Variants in KCNMA1 observed in about 807,000 individuals in gnomAD.
KCNMA1 encodes the protein potassium calcium-activated channel subfamily M alpha 1.
KCNMA1 carries 29 observed loss-of-function variants against 140.0 expected under a neutral mutation model. The observed-to-expected ratio is 0.21, with a 90% confidence interval of 0.15 to 0.28. The LOEUF (loss-of-function observed/expected upper bound fraction) is 0.28, where lower values mean the gene tolerates loss of function less well. Ranked by LOEUF, KCNMA1 falls within the 10% of genes least tolerant of loss-of-function variation. The probability of loss-of-function intolerance (pLI) is 1.00; values close to 1 mark genes in which losing one functional copy is unlikely to be tolerated. For missense variants in KCNMA1, 880 were observed against 1,602.2 expected (o/e 0.55, Z 7.70); for synonymous variants, 612 against 611.9 (o/e 1.00, Z 0.00).
At position 77,403,946 on chromosome 10, in the gene KCNMA1, C is replaced by T; in HGVS notation, c.456G>A (p.Val152=). ...LKPVDEKEEA[V]AAEVGWMTSV... ...AGGTCATCCAGCCGACCTCGGCGGC[C>T]ACTGCCTCCTCTTTTTCATCCACTG... The change falls in exon 2 of 28, where the codon GTG becomes GTA. Residue 152 remains valine, a synonymous_variant. Coordinates refer to ENST00000286628, the MANE Select transcript of KCNMA1 (RefSeq NM_001161352.2). 3 of 1,614,204 alleles carry T rather than the reference C, an allele frequency of 1.9e-6. No individual in the cohort carries two copies. The highest frequency in any genetic ancestry group is 2.5e-6 in the Non-Finnish European group (3 of 1,180,054).
chr10:77,381,895 C>G (rs1442590650), intron 2 of KCNMA1, among the ~76,000 whole-genome samples: 1 of 152,216 alleles, frequency 6.6e-6, no homozygotes, highest in Non-Finnish European at 1.5e-5. Flanking sequence ...TCCAATGCCA[C>G]TTATCCTAGC....
Position 76,944,974 on chromosome 10 carries a change from T to C in KCNMA1, c.2710-9A>G. ...CGACTTAATGGCGTACCCTTTGGCATAGAGGAAAGAAAAAAAAACAGAGAT... is the reference window on the plus strand; with the variant it reads ...CGACTTAATGGCGTACCCTTTGGCACAGAGGAAAGAAAAAAAAACAGAGAT... On this transcript the variant is annotated splice_polypyrimidine_tract_variant and intron_variant, in intron 22 of 27. Coordinates refer to ENST00000286628, the MANE Select transcript of KCNMA1 (RefSeq NM_001161352.2). 6.2e-7 allele frequency: 1 copy of C among 1,609,536 alleles called. No individual in the cohort carries two copies. The highest frequency in any genetic ancestry group is 8.5e-7 in the Non-Finnish European group (1 of 1,178,768).
intron 2 of KCNMA1, among the ~76,000 whole-genome samples, chr10:77,353,540 C>A (rs1178708839): frequency 6.6e-6 from 1 of 151,872 alleles, no homozygotes; most frequent in Admixed American, 6.6e-5. Context: ...CTATCCACAT[C>A]ATTCGTGCTT....
intron 2 of KCNMA1, among the ~76,000 whole-genome samples, chr10:77,361,582 GA>G (rs2096417297): frequency 6.6e-6 from 1 of 152,252 alleles, no homozygotes; most frequent in Non-Finnish European, 1.5e-5. Flanking sequence ...AGAGGTGCAC[GA>G]AAGGAGTTTC....
At chr10:77,110,004 A>C (rs2097284764) in intron 8 of KCNMA1, among the ~76,000 whole-genome samples, 169 bp downstream of exon 8, 1 of 152,210 alleles carries the variant, frequency 6.6e-6, no homozygotes, top group Admixed American at 6.5e-5. Context: ...ATACACCAAG[A>C]ATTATGCAGA....
intron 7 of KCNMA1, among the ~76,000 whole-genome samples, chr10:77,111,088 G>A (rs1252250010): frequency 1.3e-5 from 2 of 152,238 alleles, no homozygotes; most frequent in African/African-American, 4.8e-5. Context: ...ACAAATGGGT[G>A]TGGCTGGATT....
At chr10:77,541,151 A>G (rs1310642046) in intron 1 of KCNMA1, among the ~76,000 whole-genome samples, 1 of 152,144 alleles carries the variant, frequency 6.6e-6, no homozygotes, top group Non-Finnish European at 1.5e-5. Context: ...CCAAAATAAA[A>G]CAGCAGAAAA....
chr10:77,427,720 C>CATTTATTTATTT (rs771995453), intron 1 of KCNMA1, among the ~76,000 whole-genome samples: 2 of 68,006 alleles, frequency 2.9e-5, no homozygotes, highest in Non-Finnish European at 2.7e-5. Flanking sequence ...TCCATCCATT[C>CATTTATTTATTT]ATTTATTTAT....
At chr10:77,146,052 C>T (rs1182759716) in intron 5 of KCNMA1, among the ~76,000 whole-genome samples, 1 of 152,194 alleles carries the variant, frequency 6.6e-6, no homozygotes, top group Non-Finnish European at 1.5e-5. Context: ...GAGCCAGATA[C>T]TGGGCTAACC....
intron 1 of KCNMA1, among the ~76,000 whole-genome samples, chr10:77,598,023 G>A (rs1350513189): frequency 1.3e-5 from 2 of 152,190 alleles, no homozygotes; most frequent in Non-Finnish European, 2.9e-5. Flanking sequence ...CCAGGCTGGA[G>A]TGCAGTGGCG....
chr10:77,294,099 T>G (rs1565786008), intron 2 of KCNMA1, among the ~76,000 whole-genome samples: 1 of 152,254 alleles, frequency 6.6e-6, no homozygotes, highest in East Asian at 1.9e-4. Flanking sequence ...TCCAGCAACG[T>G]GGACAGACAA....
intron 1 of KCNMA1, among the ~76,000 whole-genome samples, chr10:77,544,848 C>G (rs2061034548): frequency 6.6e-6 from 1 of 152,182 alleles, no homozygotes; most frequent in African/African-American, 2.4e-5. Context: ...ATCCACTTTT[C>G]TATAACTTCT....
chr10:76,922,853 C>G (rs1173043901), intron 23 of KCNMA1, among the ~76,000 whole-genome samples: 2 of 152,200 alleles, frequency 1.3e-5, no homozygotes, highest in East Asian at 3.9e-4. Flanking sequence ...AGAAAAATCT[C>G]CATTCTCTTC....
At chr10:77,042,406 G>T (rs2094778786) in intron 14 of KCNMA1, among the ~76,000 whole-genome samples, 1 of 152,092 alleles carries the variant, frequency 6.6e-6, no homozygotes, top group Non-Finnish European at 1.5e-5. Context: ...TAGAATATTT[G>T]GGAAACAGTA....
intron 1 of KCNMA1, among the ~76,000 whole-genome samples, chr10:77,458,122 T>G (rs2097789939): frequency 6.6e-6 from 1 of 152,186 alleles, no homozygotes; most frequent in Non-Finnish European, 1.5e-5. Flanking sequence ...AAGCCAGTCT[T>G]GTAGCATCAA....
At chr10:77,135,748 C>T (rs945513284) in intron 5 of KCNMA1, among the ~76,000 whole-genome samples, 2 of 152,140 alleles carry the variant, frequency 1.3e-5, no homozygotes, top group African/African-American at 4.8e-5. Flanking sequence ...GAATGACAAA[C>T]ATCACGTGAT....
chr10:76,996,189 C>T (rs1393981706), intron 19 of KCNMA1, among the ~76,000 whole-genome samples: 4 of 152,162 alleles, frequency 2.6e-5, no homozygotes, highest in Admixed American at 6.5e-5. Flanking sequence ...GACAGATGAG[C>T]GATGTAAAGG....
intron 14 of KCNMA1, among the ~76,000 whole-genome samples, chr10:77,062,163 C>T (rs1467839153): frequency 1.3e-5 from 2 of 152,176 alleles, no homozygotes; most frequent in African/African-American, 4.8e-5. Context: ...AAACTATAAT[C>T]ATTTCCAAAT....
At position 77,235,706 on chromosome 10, in the gene KCNMA1, C is replaced by G. The variant is rs149363233; in HGVS notation, c.602+15489G>C. The stretch of plus-strand genomic sequence containing the variant: ...TGACATTAGTAGAATCTGGAAGCAT[C>G]CACTTCATGGAGTAGCATTTTCCTC... On this transcript the variant is annotated intron_variant, in intron 3 of 27. Transcript: ENST00000286628. Among the ~76,000 whole-genome samples, 738 of 152,316 alleles carry G rather than the reference C, an allele frequency of 4.8e-3. 7 individuals are homozygous for G. The highest frequency in any genetic ancestry group is 0.017 in the African/African-American group (712 of 41,560).
Sources: gnomAD v4.1 joint callset for allele counts (sites outside exome capture counted in the v4.1 genomes callset) on GRCh38, gnomAD v4.1.1 for gene constraint, MANE v1.5 for transcripts, NCBI Gene and HGNC (gene_info 2026-07-23, HGNC 2026-07-21) for gene names.